The following NTAQ1 variants were observed in gnomAD, a reference collection of about 807,000 sequenced individuals.
NTAQ1 encodes the protein N-terminal glutamine amidase 1.
In NTAQ1, 21 loss-of-function variants were observed where a neutral mutation model predicts 28.2. That is an observed-to-expected ratio of 0.74 (90% confidence interval 0.53 to 1.07). NTAQ1 has a LOEUF of 1.07. NTAQ1 is among the 50% of genes least tolerant of loss of function. The pLI is 0.00. For missense variants in NTAQ1, 264 were observed against 256.6 expected (o/e 1.03, Z -0.20); for synonymous variants, 105 against 90.0 (o/e 1.17, Z -0.94).
At chr8:123,459,473 AG>A (rs1815754252) in intron 6 of NTAQ1, among the ~76,000 whole-genome samples, 1 of 152,170 alleles carries the variant, frequency 6.6e-6, no homozygotes, top group African/African-American at 2.4e-5. Context: ...CCATCTCTAA[AG>A]AATGGAGGAT....
At chr8:123,451,558 CG>C (rs1393525351), downstream of NTAQ1, among the ~76,000 whole-genome samples, 1 of 152,064 alleles carries the variant, frequency 6.6e-6, no homozygotes, top group Non-Finnish European at 1.5e-5. Context: ...AGTCTGGTCT[CG>C]AACTCTTGAC....
intron 1 of NTAQ1, 143 bp from the exon 2 acceptor site, chr8:123,427,781 A>G: frequency 1.5e-6 from 1 of 647,504 alleles, no homozygotes; most frequent in Non-Finnish European, 2.7e-6. Flanking sequence ...GTTTTAGAGG[A>G]GATTCAGACA....
At chr8:123,417,635 A>G (rs1421191088) in intron 1 of NTAQ1, among the ~76,000 whole-genome samples, 1 of 152,014 alleles carries the variant, frequency 6.6e-6, no homozygotes, top group Admixed American at 6.6e-5. Context: ...TTCCTGAGTA[A>G]TGGCTTCTTC....
intron 1 of NTAQ1, among the ~76,000 whole-genome samples, chr8:123,422,282 G>T (rs1304044515): frequency 6.9e-6 from 1 of 145,408 alleles, no homozygotes; most frequent in African/African-American, 2.5e-5. Flanking sequence ...TTTGTTTTGG[G>T]TTTTTTTTTT....
intron 1 of NTAQ1, among the ~76,000 whole-genome samples, chr8:123,423,806 C>T (rs183733624): frequency 3.4e-4 from 51 of 152,106 alleles, no homozygotes; most frequent in Admixed American, 1.7e-3. Flanking sequence ...GTTCAAGCCA[C>T]ATTATGTATT....
chr8:123,459,195 G>C (rs139444167), intron 6 of NTAQ1, among the ~76,000 whole-genome samples: 24 of 151,994 alleles, frequency 1.6e-4, no homozygotes, highest in Admixed American at 8.5e-4. Context: ...GCAGTGAGCC[G>C]TGATTATGCC....
At chr8:123,433,954 C>T (rs1226590278) in intron 3 of NTAQ1, among the ~76,000 whole-genome samples, 3 of 148,838 alleles carry the variant, frequency 2.0e-5, no homozygotes, top group Admixed American at 6.8e-5. Flanking sequence ...TATCAGCAAT[C>T]GTTAGTGTTA....
intron 1 of NTAQ1, among the ~76,000 whole-genome samples, chr8:123,422,776 G>A (rs891249339): frequency 1.3e-5 from 2 of 151,970 alleles, no homozygotes; most frequent in Non-Finnish European, 1.5e-5. Flanking sequence ...ATAGTTTTAG[G>A]TATTACATTT....
chr8:123,434,965 T>G (rs1270605401), intron 3 of NTAQ1, among the ~76,000 whole-genome samples: 1 of 152,210 alleles, frequency 6.6e-6, no homozygotes, highest in Non-Finnish European at 1.5e-5. Context: ...CTCAGGCTTT[T>G]AAAGGCACAG....
downstream of NTAQ1, among the ~76,000 whole-genome samples, chr8:123,446,206 A>G (rs1233607746): frequency 6.6e-6 from 1 of 151,686 alleles, no homozygotes; most frequent in Non-Finnish European, 1.5e-5. Context: ...GAGGTTCACC[A>G]TGTTGGCCAG....
At chr8:123,446,643 G>T (rs982425795), downstream of NTAQ1, among the ~76,000 whole-genome samples, 4 of 152,138 alleles carry the variant, frequency 2.6e-5, no homozygotes, top group Non-Finnish European at 5.9e-5. Flanking sequence ...ATTCGCGCAA[G>T]ACGAGCCCTG....
downstream of NTAQ1, among the ~76,000 whole-genome samples, chr8:123,443,368 C>T (rs1034295956): frequency 2.0e-5 from 3 of 152,240 alleles, no homozygotes; most frequent in Admixed American, 1.3e-4. Context: ...GCCAGACTGC[C>T]CGGAGCTGCT....
chr8:123,422,734 G>A (rs1392155183), intron 1 of NTAQ1, among the ~76,000 whole-genome samples: 1 of 151,848 alleles, frequency 6.6e-6, no homozygotes, highest in African/African-American at 2.4e-5. Context: ...TATGTCTGGA[G>A]TGGTATTTCC....
intron 6 of NTAQ1, among the ~76,000 whole-genome samples, chr8:123,462,250 G>T (rs1815843827): frequency 6.6e-6 from 1 of 152,118 alleles, no homozygotes; most frequent in Non-Finnish European, 1.5e-5. Context: ...GTTTCATCAT[G>T]CTCTCCAGGT....
intron 1 of NTAQ1, among the ~76,000 whole-genome samples, chr8:123,421,325 C>T (rs921546945): frequency 1.3e-5 from 2 of 152,158 alleles, no homozygotes; most frequent in Middle Eastern, 3.4e-3. Flanking sequence ...AGCAGTCTTC[C>T]TGCCTTGGCC....
intron 1 of NTAQ1, among the ~76,000 whole-genome samples, chr8:123,427,556 C>T (rs1814141200): frequency 6.6e-6 from 1 of 152,182 alleles, no homozygotes; most frequent in Non-Finnish European, 1.5e-5. Flanking sequence ...GCCTGAGCCA[C>T]CACGCCTGGC....
chr8:123,473,268 G>A (rs1816059383), downstream of NTAQ1, among the ~76,000 whole-genome samples: 1 of 151,882 alleles, frequency 6.6e-6, no homozygotes, highest in South Asian at 2.1e-4. Context: ...TACTCACCTA[G>A]GGTATTAATT....
At chr8:123,439,387 C>T (rs1303539091) in intron 5 of NTAQ1, among the ~76,000 whole-genome samples, 4 of 149,842 alleles carry the variant, frequency 2.7e-5, no homozygotes, top group East Asian at 2.0e-4. Context: ...CTGTCACCCA[C>T]GCTGGAGTGC....
chr8:123,452,038 T>G (rs1815511676), downstream of NTAQ1, among the ~76,000 whole-genome samples: 1 of 152,212 alleles, frequency 6.6e-6, no homozygotes, highest in African/African-American at 2.4e-5. Context: ...AAGAACACCA[T>G]GGATTTATTT....
Sources: gnomAD v4.1 joint callset for allele counts (sites outside exome capture counted in the v4.1 genomes callset) on GRCh38, gnomAD v4.1.1 for gene constraint, MANE v1.5 for transcripts, NCBI Gene and HGNC (gene_info 2026-07-23, HGNC 2026-07-21) for gene names.